The following SMIM35 variants were observed in gnomAD, a reference collection of about 807,000 sequenced individuals.
SMIM35 encodes small integral membrane protein 35, also known as TMPRSS4 antisense RNA 1 (non-protein coding).
chr11:118,044,046 A>G (rs951184806), intron 1 of SMIM35, among the ~76,000 whole-genome samples: 14 of 152,284 alleles, frequency 9.2e-5, no homozygotes, highest in Non-Finnish European at 1.5e-4. Context: ...CTGTTAAAAA[A>G]GCGATAAAAT....
intron 1 of SMIM35, among the ~76,000 whole-genome samples, chr11:118,058,701 G>C (rs1044458429): frequency 6.6e-6 from 1 of 152,184 alleles, no homozygotes; most frequent in African/African-American, 2.4e-5. Context: ...CTGGACCCGA[G>C]GGCTGCGGCG....
intron 3 of SMIM35, 22 bp from the exon 4 acceptor site, chr11:118,013,902 G>A: frequency 2.5e-6 from 1 of 399,014 alleles, no homozygotes; most frequent in Non-Finnish European, 4.4e-6. Flanking sequence ...GATCCAATCA[G>A]GCTACTGGAG....
chr11:118,034,254 G>C (rs2058341052), intron 1 of SMIM35, among the ~76,000 whole-genome samples: 1 of 152,018 alleles, frequency 6.6e-6, no homozygotes, highest in African/African-American at 2.4e-5. Flanking sequence ...TCCAGGCTGG[G>C]CAATAACAGT....
intron 1 of SMIM35, among the ~76,000 whole-genome samples, chr11:118,019,689 T>A (rs1444326575): frequency 2.0e-5 from 3 of 152,250 alleles, no homozygotes; most frequent in Non-Finnish European, 4.4e-5. Context: ...ACATACTCCT[T>A]ATTTTTTTTC....
chr11:118,064,295 GAA>G (rs1350941254), intron 1 of SMIM35, among the ~76,000 whole-genome samples: 1 of 152,124 alleles, frequency 6.6e-6, no homozygotes, highest in Non-Finnish European at 1.5e-5. Flanking sequence ...CTCTTGCAAA[GAA>G]AAAATTTTAA....
At chr11:118,084,210 C>T (rs1006998821) in intron 1 of SMIM35, among the ~76,000 whole-genome samples, 2 of 152,110 alleles carry the variant, frequency 1.3e-5, no homozygotes, top group Non-Finnish European at 2.9e-5. Flanking sequence ...CAATAACTTG[C>T]TAAAGCCTCA....
chr11:118,014,063 A>C (rs187941023), intron 3 of SMIM35, among the ~76,000 whole-genome samples, 183 bp from the exon 4 acceptor site: 1 of 152,336 alleles, frequency 6.6e-6, no homozygotes, highest in African/African-American at 2.4e-5. Flanking sequence ...CAAGTAGATG[A>C]GATGACCAAC....
chr11:118,069,832 C>A (rs186479025), intron 1 of SMIM35, among the ~76,000 whole-genome samples: 1 of 152,228 alleles, frequency 6.6e-6, no homozygotes, highest in East Asian at 1.9e-4. Flanking sequence ...AAAGCCGAGG[C>A]GGGTGGATCA....
At chr11:118,013,903 G>C (rs1267365149) in intron 3 of SMIM35, 23 bp from the exon 4 acceptor site, 1 of 398,996 alleles carries the variant, frequency 2.5e-6, no homozygotes, top group South Asian at 1.3e-4. Flanking sequence ...ATCCAATCAG[G>C]CTACTGGAGC....
At position 118,005,189 on chromosome 11, in the gene SMIM35, C is replaced by G. The variant is rs975146364; in HGVS notation, c.*1221G>C. The stretch of plus-strand genomic sequence containing the variant: ...ATCAGAATTACATGGGAGTATTTGT[C>G]TTCCTAAGCTGCTCCCCAAGGCCCA... On this transcript the variant is annotated 3_prime_UTR_variant, in exon 5 of 5. Transcript: ENST00000689828. 6.6e-6 allele frequency: 1 copy of G among 152,180 alleles called. No individual in the cohort carries two copies. Among genetic ancestry groups the G allele is most frequent in the African/African-American group, 2.4e-5 (1 of 41,414 alleles). 9.4% of individuals were successfully genotyped at this position (152,180 alleles called of 1,614,324 possible).
chr11:118,079,891 T>C (rs951180047), intron 1 of SMIM35, among the ~76,000 whole-genome samples: 2 of 152,156 alleles, frequency 1.3e-5, no homozygotes, highest in African/African-American at 4.8e-5. Context: ...TAAACTGAGC[T>C]GGGCAGTGGG....
chr11:118,024,437 G>T (rs190525189), intron 1 of SMIM35, among the ~76,000 whole-genome samples: 14 of 152,200 alleles, frequency 9.2e-5, no homozygotes, highest in Admixed American at 3.3e-4. Context: ...TCACTGTATT[G>T]CTTATAAAGG....
At chr11:118,084,623 C>A (rs1262884409) in intron 1 of SMIM35, among the ~76,000 whole-genome samples, 2 of 152,148 alleles carry the variant, frequency 1.3e-5, no homozygotes, top group Non-Finnish European at 1.5e-5. Flanking sequence ...CAGCACAGAC[C>A]CTCCTTGAAC....
chr11:118,065,697 C>T (rs774882471), intron 1 of SMIM35, among the ~76,000 whole-genome samples: 4 of 152,140 alleles, frequency 2.6e-5, no homozygotes, highest in Non-Finnish European at 4.4e-5. Flanking sequence ...AATGGGAAAC[C>T]TCTAGAGGGT....
At chr11:118,041,344 A>G (rs1037490590) in intron 1 of SMIM35, among the ~76,000 whole-genome samples, 10 of 152,032 alleles carry the variant, frequency 6.6e-5, no homozygotes, top group African/African-American at 2.4e-4. Flanking sequence ...ACTCCACTCA[A>G]CAACAAAATA....
At chr11:118,081,517 C>T (rs1420968980) in intron 1 of SMIM35, among the ~76,000 whole-genome samples, 4 of 152,256 alleles carry the variant, frequency 2.6e-5, no homozygotes, top group Non-Finnish European at 5.9e-5. Context: ...GCATAATCCA[C>T]GTGCAACCAG....
At chr11:118,083,380 A>G (rs1945304795) in intron 1 of SMIM35, among the ~76,000 whole-genome samples, 2 of 152,118 alleles carry the variant, frequency 1.3e-5, no homozygotes, top group African/African-American at 4.8e-5. Context: ...GTCACACGAC[A>G]TCACCTCCGG....
intron 1 of SMIM35, among the ~76,000 whole-genome samples, chr11:118,049,969 T>G (rs1944183056): frequency 6.6e-6 from 1 of 151,264 alleles, no homozygotes; most frequent in Admixed American, 6.6e-5. Flanking sequence ...TGAAGTGGAG[T>G]CACTGGGGCC....
chr11:118,030,657 G>A (rs2058310869), intron 1 of SMIM35, among the ~76,000 whole-genome samples: 1 of 152,042 alleles, frequency 6.6e-6, no homozygotes, highest in South Asian at 2.1e-4. Flanking sequence ...TGGGGGAGGA[G>A]GGTATCCATA....
Sources: gnomAD v4.1 joint callset for allele counts (sites outside exome capture counted in the v4.1 genomes callset) on GRCh38, gnomAD v4.1.1 for gene constraint, MANE v1.5 for transcripts, NCBI Gene and HGNC (gene_info 2026-07-23, HGNC 2026-07-21) for gene names.